The following NRXN1 variants were observed in gnomAD, a reference collection of about 807,000 sequenced individuals.
The protein encoded by NRXN1 is neurexin-1.
A neutral mutation model predicts 150.9 loss-of-function variants in NRXN1; 39 were observed. The observed-to-expected ratio is 0.26, with a 90% CI of 0.20 to 0.34. NRXN1 has a LOEUF of 0.34. NRXN1 is among the 10% of genes least tolerant of loss of function. NRXN1 has a pLI of 1.00. For missense variants in NRXN1, 1,815 were observed against 1,949.9 expected (o/e 0.93, Z 1.30); for synonymous variants, 924 against 757.0 (o/e 1.22, Z -3.62).
At chr2:50,844,365 G>T (rs1477952306) in intron 5 of NRXN1, among the ~76,000 whole-genome samples, 1 of 152,174 alleles carries the variant, frequency 6.6e-6, no homozygotes, top group Non-Finnish European at 1.5e-5. Flanking sequence ...TTTATAGGCT[G>T]ACCCTTCGTC....
At chr2:50,373,911 G>A (rs1558621153) in intron 17 of NRXN1, among the ~76,000 whole-genome samples, 2 of 151,926 alleles carry the variant, frequency 1.3e-5, no homozygotes, top group South Asian at 2.1e-4. Flanking sequence ...ATATTTGCAG[G>A]TAGATAAGGA....
chr2:49,936,803 AC>A (rs906996137), intron 22 of NRXN1, among the ~76,000 whole-genome samples: 3 of 148,624 alleles, frequency 2.0e-5, no homozygotes, highest in Non-Finnish European at 4.4e-5. Flanking sequence ...AAAAAACAAA[AC>A]AAAAAACATA....
chr2:50,550,582 G>C (rs973344593), intron 9 of NRXN1, among the ~76,000 whole-genome samples: 3 of 151,854 alleles, frequency 2.0e-5, no homozygotes, highest in Non-Finnish European at 4.4e-5. Flanking sequence ...ATCTCTGGCA[G>C]AGATAGGCTG....
chr2:50,911,914 T>C (rs1217050297), intron 5 of NRXN1, among the ~76,000 whole-genome samples: 4 of 152,034 alleles, frequency 2.6e-5, no homozygotes. Flanking sequence ...AAACTGACAA[T>C]TTAGTTTCAG....
At chr2:50,320,285 TATATATATATATATATATATATA>T (rs2075926354) in intron 17 of NRXN1, among the ~76,000 whole-genome samples, 87 of 57,674 alleles carry the variant, frequency 1.5e-3, no homozygotes, top group African/African-American at 5.2e-3. Context: ...ACCTCAATCA[TATATATATATATATATATATATA>T]TATATATATA....
intron 8 of NRXN1, among the ~76,000 whole-genome samples, chr2:50,585,712 G>C (rs544949500): frequency 6.6e-6 from 1 of 152,264 alleles, no homozygotes; most frequent in East Asian, 1.9e-4. Context: ...ACTGATTCCA[G>C]TAAACAATTT....
At chr2:50,870,938 T>C (rs1417394361) in intron 5 of NRXN1, among the ~76,000 whole-genome samples, 3 of 151,952 alleles carry the variant, frequency 2.0e-5, no homozygotes, top group African/African-American at 4.8e-5. Context: ...ATATATTTCA[T>C]TGAATAAGTT....
At chr2:50,295,739 G>T (rs909903528) in intron 17 of NRXN1, among the ~76,000 whole-genome samples, 1 of 152,176 alleles carries the variant, frequency 6.6e-6, no homozygotes, top group Admixed American at 6.5e-5. Context: ...TTTCAATGAG[G>T]ATGAAGAATT....
At chr2:50,583,784 T>C (rs1443060690) in intron 8 of NRXN1, among the ~76,000 whole-genome samples, 1 of 152,182 alleles carries the variant, frequency 6.6e-6, no homozygotes, top group South Asian at 2.1e-4. Context: ...CTCACCATCT[T>C]CCAACTATCA....
chr2:50,806,239 A>T (rs1422625602), intron 5 of NRXN1, among the ~76,000 whole-genome samples: 1 of 152,172 alleles, frequency 6.6e-6, no homozygotes, highest in Admixed American at 6.5e-5. Flanking sequence ...CTATTGGAGG[A>T]AAACATTCAC....
At chr2:50,653,003 T>C (rs554075424) in intron 5 of NRXN1, among the ~76,000 whole-genome samples, 7 of 152,040 alleles carry the variant, frequency 4.6e-5, no homozygotes, top group Non-Finnish European at 7.4e-5. Flanking sequence ...CTCGTTTTAG[T>C]ATTCCTTGAC....
chr2:49,943,671 A>T, intron 22 of NRXN1, 33 bp downstream of exon 22: 2 of 1,443,566 alleles, frequency 1.4e-6, no homozygotes, highest in South Asian at 2.3e-5. Flanking sequence ...ATTTACAGTA[A>T]AGCCAAGGAA....
intron 5 of NRXN1, among the ~76,000 whole-genome samples, chr2:50,838,696 G>A (rs906534003): frequency 5.9e-5 from 9 of 152,024 alleles, no homozygotes; most frequent in Admixed American, 1.3e-4. Flanking sequence ...CTAGAGTGAC[G>A]CATCTGCAAG....
chr2:50,882,454 T>C (rs921252601), intron 5 of NRXN1, among the ~76,000 whole-genome samples: 1 of 152,066 alleles, frequency 6.6e-6, no homozygotes, highest in East Asian at 1.9e-4. Flanking sequence ...AAAGAATTTG[T>C]GTAACAGCCC....
chr2:50,431,656 T>C (rs79888917), intron 17 of NRXN1, among the ~76,000 whole-genome samples: 3,447 of 152,258 alleles, frequency 0.023, 127 homozygotes, highest in African/African-American at 0.08. Context: ...GTCCAGGAAG[T>C]GTTATTATAA....
chr2:50,071,641 G>A (rs145776688), intron 19 of NRXN1, among the ~76,000 whole-genome samples: 82 of 152,318 alleles, frequency 5.4e-4, no homozygotes, highest in African/African-American at 1.8e-3. Flanking sequence ...AACTGTGAGA[G>A]AATAAATTTC....
At chr2:50,846,761 T>C (rs996718064) in intron 5 of NRXN1, among the ~76,000 whole-genome samples, 1 of 152,148 alleles carries the variant, frequency 6.6e-6, no homozygotes, top group African/African-American at 2.4e-5. Context: ...AGAGGAAAAA[T>C]ATCTTTCCTT....
intron 12 of NRXN1, among the ~76,000 whole-genome samples, chr2:50,525,882 G>A (rs191586263): frequency 3.6e-3 from 541 of 152,306 alleles, no homozygotes; most frequent in Non-Finnish European, 5.6e-3. Context: ...CTTTCTCAGA[G>A]GAAATTTTAA....
At chr2:50,113,392 C>G (rs1573984349) in intron 18 of NRXN1, among the ~76,000 whole-genome samples, 1 of 152,130 alleles carries the variant, frequency 6.6e-6, no homozygotes, top group Non-Finnish European at 1.5e-5. Context: ...CCTTGCAATT[C>G]CTTAATACAT....
Sources: gnomAD v4.1 joint callset for allele counts (sites outside exome capture counted in the v4.1 genomes callset) on GRCh38, gnomAD v4.1.1 for gene constraint, MANE v1.5 for transcripts, NCBI Gene and HGNC (gene_info 2026-07-23, HGNC 2026-07-21) for gene names.